Variants in CHST8 observed in about 807,000 individuals in gnomAD.
The protein encoded by CHST8 is GALNAC-4-ST1.
Under a neutral mutation model 15.0 loss-of-function variants are expected in CHST8, and 10 were observed. That is an observed-to-expected ratio of 0.67 (90% CI 0.41 to 1.13). The LOEUF (loss-of-function observed/expected upper bound fraction) is 1.13. Among genes scored for constraint, CHST8 ranks in the 50% most tolerant of loss-of-function variants. CHST8 has a pLI of 0.00. For missense variants in CHST8, 634 were observed against 608.2 expected, an observed-to-expected ratio of 1.04 and a Z score of -0.45; for synonymous variants, 259 against 256.6, an observed-to-expected ratio of 1.01 and a Z score of -0.09.
chr19:33,739,970 A>C lies in CHST8; in HGVS notation c.131-31443A>C, dbSNP rs544396138. 4.0e-4 allele frequency among the ~76,000 whole-genome samples: 61 copies of C among 152,352 alleles called. 1 individual carries two copies. The highest frequency in any genetic ancestry group is 5.9e-5 in the Non-Finnish European group (4 of 68,024). ...GTGTGGTCAGAGGAGAGCAGCTCTC[A>C]GAGACAGAGGTGAGGATGGAGGCCC... On this transcript the variant is annotated intron_variant, in intron 3 of 4. Transcript: ENST00000650847.
intron 2 of CHST8, among the ~76,000 whole-genome samples, chr19:33,686,612 T>C (rs1044699599): frequency 1.3e-5 from 2 of 152,166 alleles, no homozygotes; most frequent in African/African-American, 4.8e-5. Flanking sequence ...TACCAGGCAG[T>C]TCTGGGCGCT....
rs1974284957 is a variant in CHST8 at position 33,744,976 on chromosome 19, T to C, written c.131-26437T>C. On this transcript the variant is annotated intron_variant, in intron 3 of 4. Coordinates refer to ENST00000650847, the MANE Select transcript of CHST8 (RefSeq NM_001127895.2). ...GTTGGCCAGGGTGGTCTCGAACTCC[T>C]GACCTTGTGATCCACCCACCTCAGC... Among the ~76,000 whole-genome samples, 9 of 152,308 alleles carry C rather than the reference T, an allele frequency of 5.9e-5. 1 individual carries two copies. In the South Asian group the frequency reaches 1.9e-3, roughly 32 times the overall value.
intron 2 of CHST8, among the ~76,000 whole-genome samples, chr19:33,675,038 A>G (rs779463229): frequency 7.9e-5 from 12 of 152,306 alleles, no homozygotes; most frequent in Non-Finnish European, 1.5e-4. Flanking sequence ...ACACACCTGC[A>G]TGCTCACACA....
chr19:33,703,199 T>C lies in CHST8; in HGVS notation c.130+13808T>C, dbSNP rs553231126. ...CCGGCTCTGTCCCCTTCCCCCAGCCTCACTTGGCCTGGAGTCTCAGGGCCA... is the reference window on the plus strand; with the variant it reads ...CCGGCTCTGTCCCCTTCCCCCAGCCCCACTTGGCCTGGAGTCTCAGGGCCA... On this transcript the variant is annotated intron_variant, in intron 3 of 4. Transcript: ENST00000650847. 5.9e-5 allele frequency among the ~76,000 whole-genome samples: 9 copies of C among 152,252 alleles called. No individual in the cohort carries two copies. In the South Asian group the frequency reaches 1.9e-3, roughly 32 times the overall value.
intron 3 of CHST8, among the ~76,000 whole-genome samples, chr19:33,703,536 G>T (rs1002451363): frequency 6.6e-6 from 1 of 152,246 alleles, no homozygotes; most frequent in Non-Finnish European, 1.5e-5. Context: ...GCGTGGGTCG[G>T]TAGGGGCGGG....
At chr19:33,743,116 C>A (rs1568351572) in intron 3 of CHST8, among the ~76,000 whole-genome samples, 1 of 152,090 alleles carries the variant, frequency 6.6e-6, no homozygotes, top group Non-Finnish European at 1.5e-5. Flanking sequence ...TCCTACAACA[C>A]AACATATGCC....
At chr19:33,663,362 C>T (rs920274860) in intron 1 of CHST8, among the ~76,000 whole-genome samples, 4 of 152,070 alleles carry the variant, frequency 2.6e-5, no homozygotes, top group Non-Finnish European at 4.4e-5. Flanking sequence ...CCCAGGAATT[C>T]GAAATGAGCC....
At chr19:33,748,944 G>C (rs1233166392) in intron 3 of CHST8, among the ~76,000 whole-genome samples, 1 of 152,170 alleles carries the variant, frequency 6.6e-6, no homozygotes, top group African/African-American at 2.4e-5. Context: ...GAGCCTCAAG[G>C]AGTGAGGCTG....
intron 1 of CHST8, among the ~76,000 whole-genome samples, chr19:33,638,927 C>T (rs886361208): frequency 6.6e-6 from 1 of 151,926 alleles, no homozygotes; most frequent in South Asian, 2.1e-4. Flanking sequence ...GGGGGGCACC[C>T]AGAGAATGCA....
At position 33,698,236 on chromosome 19, in the gene CHST8, A is replaced by G. The variant is rs558090993; in HGVS notation, c.130+8845A>G. Among the ~76,000 whole-genome samples, 3 of 152,236 alleles carry G rather than the reference A, an allele frequency of 2.0e-5. No individual in the cohort carries two copies. In the South Asian group the frequency reaches 6.2e-4, roughly 32 times the overall value. ...AGGTTGTAGTTCTTTTAAAAGAACT[A>G]CAATCCTTTATCCAGTGAGCTGAGA... On this transcript the variant is annotated intron_variant, in intron 3 of 4. Coordinates refer to ENST00000650847, the MANE Select transcript of CHST8 (RefSeq NM_001127895.2).
chr19:33,713,437 C>T (rs1190290157), intron 3 of CHST8, among the ~76,000 whole-genome samples: 2 of 152,126 alleles, frequency 1.3e-5, no homozygotes, highest in African/African-American at 4.8e-5. Flanking sequence ...GGCAGTTGGC[C>T]AAGCAGCTGC....
chr19:33,732,304 C>T (rs961191803), intron 3 of CHST8, among the ~76,000 whole-genome samples: 2 of 152,142 alleles, frequency 1.3e-5, no homozygotes, highest in Non-Finnish European at 2.9e-5. Flanking sequence ...CTGTTTTGCC[C>T]CCAGCTGGGC....
chr19:33,641,427 G>T (rs1222970116), intron 1 of CHST8, among the ~76,000 whole-genome samples: 1 of 152,192 alleles, frequency 6.6e-6, no homozygotes, highest in Non-Finnish European at 1.5e-5. Context: ...CCTGGGCAGG[G>T]TTTGAGGAGC....
intron 3 of CHST8, among the ~76,000 whole-genome samples, chr19:33,714,141 A>C (rs1973614269): frequency 6.6e-6 from 1 of 152,184 alleles, no homozygotes; most frequent in Non-Finnish European, 1.5e-5. Context: ...CCGCAGTTCC[A>C]CTACCGGGCT....
chr19:33,646,124 T>C (rs1972352906), intron 1 of CHST8, among the ~76,000 whole-genome samples: 2 of 4,662 alleles, frequency 4.3e-4, no homozygotes, highest in Non-Finnish European at 7.2e-4. Flanking sequence ...TAAGACTCTG[T>C]CTCAAAAAAA....
intron 1 of CHST8, among the ~76,000 whole-genome samples, chr19:33,664,784 A>G (rs1376058944): frequency 2.6e-5 from 4 of 152,008 alleles, no homozygotes; most frequent in African/African-American, 2.4e-5. Flanking sequence ...GTTACTGCCA[A>G]TCTTGTCTCT....
chr19:33,744,684 C>T (rs572953730), intron 3 of CHST8, among the ~76,000 whole-genome samples: 61 of 152,282 alleles, frequency 4.0e-4, no homozygotes, highest in Middle Eastern at 6.8e-3. Context: ...TCCACCTCAG[C>T]CTCCTGGGTA....
chr19:33,769,440 T>C (rs1276919005), intron 3 of CHST8, among the ~76,000 whole-genome samples: 2 of 152,142 alleles, frequency 1.3e-5, no homozygotes, highest in Non-Finnish European at 2.9e-5. Flanking sequence ...CCAGCTGCCA[T>C]AACCAGAAGA....
chr19:33,717,333 C>T (rs945290859), intron 3 of CHST8, among the ~76,000 whole-genome samples: 5 of 151,874 alleles, frequency 3.3e-5, no homozygotes, highest in South Asian at 2.1e-4. Flanking sequence ...TGGTGGTGCG[C>T]GCCTGTAGTC....
Sources: gnomAD v4.1 joint callset for allele counts (sites outside exome capture counted in the v4.1 genomes callset) on GRCh38, gnomAD v4.1.1 for gene constraint, MANE v1.5 for transcripts, NCBI Gene and HGNC (gene_info 2026-07-23, HGNC 2026-07-21) for gene names.